The following ADD3 variants were observed in gnomAD, a reference collection of about 807,000 sequenced individuals.
ADD3 encodes adducin 3, also known as gamma-adducin.
A neutral mutation model predicts 80.2 loss-of-function variants in ADD3; 25 were observed. The observed-to-expected ratio is 0.31, with a 90% CI of 0.23 to 0.44. The LOEUF (loss-of-function observed/expected upper bound fraction) is 0.44. Among genes scored for constraint, ADD3 ranks in the 20% least tolerant of loss-of-function variants. The pLI is 1.00. For synonymous variants in ADD3, 284 were observed against 289.6 expected, an observed-to-expected ratio of 0.98 and a Z score of 0.20; for missense variants, 829 against 847.5, an observed-to-expected ratio of 0.98 and a Z score of 0.27.
chr10:110,002,829 C>T (rs1342559610), upstream of ADD3, among the ~76,000 whole-genome samples: 1 of 152,118 alleles, frequency 6.6e-6, no homozygotes, highest in Non-Finnish European at 1.5e-5. Context: ...AAAGATCTTT[C>T]AGATATTTAG....
At chr10:110,056,797 A>G (rs1858247416) in intron 1 of ADD3, among the ~76,000 whole-genome samples, 1 of 152,198 alleles carries the variant, frequency 6.6e-6, no homozygotes, top group South Asian at 2.1e-4. Context: ...TAAAACTTGA[A>G]GTTACTTTTT....
intron 2 of ADD3, among the ~76,000 whole-genome samples, chr10:110,107,842 T>G (rs892792151): frequency 3.3e-5 from 5 of 152,172 alleles, no homozygotes; most frequent in Non-Finnish European, 5.9e-5. Flanking sequence ...AAGTACATTA[T>G]GCTTTTGTGG....
chr10:110,075,074 A>G (rs929706844), intron 1 of ADD3, among the ~76,000 whole-genome samples: 1 of 152,170 alleles, frequency 6.6e-6, no homozygotes, highest in Non-Finnish European at 1.5e-5. Flanking sequence ...TTTCACATTT[A>G]TAAGGATTTT....
intron 1 of ADD3, among the ~76,000 whole-genome samples, chr10:110,019,996 A>C (rs1853483173): frequency 6.6e-6 from 1 of 152,246 alleles, no homozygotes; most frequent in Non-Finnish European, 1.5e-5. Flanking sequence ...AAATACGTGA[A>C]ATGAGCAAGG....
intron 1 of ADD3, among the ~76,000 whole-genome samples, chr10:110,018,344 A>G (rs1003453594): frequency 6.6e-6 from 1 of 151,872 alleles, no homozygotes; most frequent in South Asian, 2.1e-4. Context: ...CATGGTCAAC[A>G]TGATGAAACC....
chr10:110,123,634 C>T (rs1851787755), intron 9 of ADD3, among the ~76,000 whole-genome samples: 1 of 152,152 alleles, frequency 6.6e-6, no homozygotes, highest in Non-Finnish European at 1.5e-5. Flanking sequence ...AGATTTTACC[C>T]TCTTCTGTGA....
At chr10:110,096,928 A>G (rs567341161) in intron 1 of ADD3, among the ~76,000 whole-genome samples, 1 of 152,332 alleles carries the variant, frequency 6.6e-6, no homozygotes, top group African/African-American at 2.4e-5. Context: ...AAAGGGCTCT[A>G]CAAGTGGACC....
At chr10:110,118,487 G>T in intron 5 of ADD3, 100 bp from the exon 6 acceptor site, 1 of 983,348 alleles carries the variant, frequency 1.0e-6, no homozygotes, top group South Asian at 1.5e-5. Flanking sequence ...TTTGCTATCT[G>T]ACCTTTTACA....
At chr10:110,071,252 T>C (rs1030462317) in intron 1 of ADD3, among the ~76,000 whole-genome samples, 8 of 152,142 alleles carry the variant, frequency 5.3e-5, no homozygotes, top group Non-Finnish European at 1.0e-4. Context: ...ATGGAACAGC[T>C]CAAAGCAAAA....
chr10:110,011,449 C>T (rs1299729465), intron 1 of ADD3, among the ~76,000 whole-genome samples: 1 of 152,136 alleles, frequency 6.6e-6, no homozygotes, highest in African/African-American at 2.4e-5. Context: ...GATGAAATGT[C>T]ATTTGACAAC....
upstream of ADD3, among the ~76,000 whole-genome samples, chr10:110,001,659 G>A (rs1263444579): frequency 2.0e-5 from 3 of 152,006 alleles, no homozygotes; most frequent in East Asian, 1.9e-4. Flanking sequence ...GTCCTCAATC[G>A]TCTTCTTTAT....
At chr10:110,113,052 G>A in intron 3 of ADD3, 137 bp downstream of exon 3, 2 of 883,014 alleles carry the variant, frequency 2.3e-6, no homozygotes, top group Middle Eastern at 3.6e-4. Flanking sequence ...CATAGTGTTA[G>A]ACCCTCCTAC....
chr10:110,124,864 G>A (rs1253605740), intron 10 of ADD3, among the ~76,000 whole-genome samples: 3 of 152,142 alleles, frequency 2.0e-5, no homozygotes, highest in Non-Finnish European at 4.4e-5. Flanking sequence ...CATGGCCCAG[G>A]ATGGCTTTGG....
intron 1 of ADD3, among the ~76,000 whole-genome samples, chr10:110,087,935 G>A (rs191197366): frequency 6.6e-6 from 1 of 152,218 alleles, no homozygotes; most frequent in African/African-American, 2.4e-5. Flanking sequence ...AGGGGTCTGA[G>A]GGAAAAATCT....
rs547957183 is a variant in ADD3 at position 110,042,205 on chromosome 10, T to C, written c.-30+33906T>C. Among the ~76,000 whole-genome samples, 5 of 152,374 alleles carry C rather than the reference T, an allele frequency of 3.3e-5. No homozygotes were observed. The East Asian group carries it at 5.8e-4, about 18-fold the overall frequency. On this transcript the variant is annotated intron_variant, in intron 1 of 14. Transcript: ENST00000356080. ...TTGCCATAATTAGAAGACAGCCACCTATTCTGTGGATAAACTAGTGCCACT... is the reference window on the plus strand; with the variant it reads ...TTGCCATAATTAGAAGACAGCCACCCATTCTGTGGATAAACTAGTGCCACT...
chr10:110,018,813 C>T (rs1391203437), intron 1 of ADD3, among the ~76,000 whole-genome samples: 3 of 152,130 alleles, frequency 2.0e-5, no homozygotes, highest in African/African-American at 7.2e-5. Flanking sequence ...CTAGGAAATA[C>T]ATTAGAATAT....
intron 10 of ADD3, among the ~76,000 whole-genome samples, chr10:110,125,356 A>G (rs768398796): frequency 2.9e-4 from 44 of 152,318 alleles, no homozygotes; most frequent in Non-Finnish European, 5.1e-4. Flanking sequence ...AATGCCGATT[A>G]GGGCTTGGCC....
intron 13 of ADD3, 132 bp downstream of exon 13, chr10:110,130,618 G>T: frequency 2.1e-6 from 2 of 937,026 alleles, no homozygotes; most frequent in Non-Finnish European, 3.1e-6. Context: ...CACTTTGGGA[G>T]ACCAAGGCAG....
intron 1 of ADD3, among the ~76,000 whole-genome samples, chr10:110,063,767 A>G (rs1564914236): frequency 1.1e-5 from 1 of 92,786 alleles, no homozygotes. Context: ...ATATATATAT[A>G]TATATATATA....
Sources: allele counts gnomAD v4.1 joint callset (sites outside exome capture counted in the v4.1 genomes callset), GRCh38; gene constraint gnomAD v4.1.1; transcripts MANE v1.5; gene names NCBI Gene and HGNC (gene_info 2026-07-23, HGNC 2026-07-21).